The following STAG1 variants were observed in gnomAD, a reference collection of about 807,000 sequenced individuals.
STAG1 encodes the protein STAG1 cohesin complex component, also known as cohesin subunit SA-1.
In STAG1, 26 loss-of-function variants were observed where a neutral mutation model predicts 170.9. The ratio of observed to expected loss-of-function variants is 0.15; its 90% CI spans 0.11 to 0.21. The LOEUF (loss-of-function observed/expected upper bound fraction) is 0.21. Ranked by LOEUF, STAG1 falls within the 10% of genes least tolerant of loss-of-function variation. The pLI is 1.00. For synonymous variants in STAG1, 514 were observed against 497.7 expected (o/e 1.03, Z -0.44); for missense variants, 964 against 1,509.5 (o/e 0.64, Z 5.99).
At chr3:136,655,701 C>G (rs1303278808) in intron 1 of STAG1, among the ~76,000 whole-genome samples, 1 of 151,566 alleles carries the variant, frequency 6.6e-6, no homozygotes, top group African/African-American at 2.4e-5. Flanking sequence ...AGGCAGAGGT[C>G]ACAGTGAGCC....
chr3:136,595,072 T>G (rs1212611242), intron 4 of STAG1, among the ~76,000 whole-genome samples: 1 of 152,210 alleles, frequency 6.6e-6, no homozygotes, highest in South Asian at 2.1e-4. Context: ...TCCAGCCCTA[T>G]AGTCCAACTT....
chr3:136,429,887 A>G (rs771509118), intron 16 of STAG1, among the ~76,000 whole-genome samples: 1 of 152,200 alleles, frequency 6.6e-6, no homozygotes, highest in Non-Finnish European at 1.5e-5. Context: ...TGATTTTCTT[A>G]AAAACTTTTT....
intron 26 of STAG1, among the ~76,000 whole-genome samples, chr3:136,359,718 A>C (rs763461245): frequency 7.9e-5 from 12 of 152,242 alleles, no homozygotes; most frequent in Non-Finnish European, 1.3e-4. Flanking sequence ...GATCTTGGCC[A>C]AGCTGGTCTC....
intron 4 of STAG1, among the ~76,000 whole-genome samples, chr3:136,586,577 C>A (rs1312860249): frequency 6.6e-6 from 1 of 152,200 alleles, no homozygotes; most frequent in African/African-American, 2.4e-5. Context: ...TTTCTAACTT[C>A]CTTCAAGGAT....
rs113158084 is a variant in STAG1 at position 136,349,896 on chromosome 3, G to A, written c.3066-533C>T. 4.7e-3 allele frequency among the ~76,000 whole-genome samples: 710 copies of A among 152,298 alleles called. 4 individuals carry two copies. The highest frequency in any genetic ancestry group is 0.016 in the African/African-American group (676 of 41,556). ...TGGCCAGGCACCGTGGCTCACGCCT[G>A]TAAATCCCAGCACTTTGGGAGGCCG... On this transcript the variant is annotated intron_variant, in intron 28 of 33. Transcript: ENST00000383202.
intron 22 of STAG1, among the ~76,000 whole-genome samples, chr3:136,383,978 CAG>C (rs1938125107): frequency 1.5e-5 from 2 of 137,192 alleles, no homozygotes; most frequent in Admixed American, 7.4e-5. Context: ...AAAAAAGAAA[CAG>C]AAACAGTCAC....
intron 1 of STAG1, among the ~76,000 whole-genome samples, chr3:136,656,469 T>C (rs1180519503): frequency 2.0e-5 from 3 of 152,022 alleles, no homozygotes; most frequent in Admixed American, 6.6e-5. Context: ...TTCCCAACAT[T>C]AGCGGTGGGG....
intron 4 of STAG1, among the ~76,000 whole-genome samples, chr3:136,584,496 T>C (rs1308465768): frequency 6.6e-6 from 1 of 152,144 alleles, no homozygotes; most frequent in African/African-American, 2.4e-5. Flanking sequence ...CTACCACCAC[T>C]CCTCCACCTT....
intron 14 of STAG1, among the ~76,000 whole-genome samples, chr3:136,444,218 C>T (rs2088712613): frequency 2.0e-5 from 3 of 152,068 alleles, no homozygotes; most frequent in Admixed American, 2.0e-4. Flanking sequence ...GGATTACAGG[C>T]CCACGCCACC....
At chr3:136,562,853 G>A (rs925416385) in intron 5 of STAG1, among the ~76,000 whole-genome samples, 12 of 152,192 alleles carry the variant, frequency 7.9e-5, no homozygotes, top group Non-Finnish European at 1.3e-4. Context: ...CTCCCAAAGT[G>A]CTGGGATTAC....
chr3:136,605,174 G>A (rs111435201), intron 3 of STAG1, among the ~76,000 whole-genome samples: 181 of 152,194 alleles, frequency 1.2e-3, no homozygotes, highest in African/African-American at 2.5e-3. Context: ...TATGCTGAAC[G>A]TATCTGGAAC....
intron 23 of STAG1, among the ~76,000 whole-genome samples, 197 bp downstream of exon 23, chr3:136,377,463 A>G (rs1016075964): frequency 6.6e-5 from 10 of 151,748 alleles, no homozygotes; most frequent in Non-Finnish European, 1.3e-4. Flanking sequence ...AAGTAAAAGG[A>G]AAGAATGTAT....
chr3:136,402,506 G>A (rs956647943), intron 21 of STAG1, among the ~76,000 whole-genome samples: 6 of 151,602 alleles, frequency 4.0e-5, no homozygotes, highest in Non-Finnish European at 7.4e-5. Flanking sequence ...GTCAGCCACC[G>A]TGCCCGGCCT....
At chr3:136,413,519 C>T (rs1246052090) in intron 21 of STAG1, among the ~76,000 whole-genome samples, 4 of 151,704 alleles carry the variant, frequency 2.6e-5, no homozygotes, top group Non-Finnish European at 4.4e-5. Flanking sequence ...AGTGCAATGG[C>T]GTGATCTTGG....
intron 7 of STAG1, among the ~76,000 whole-genome samples, chr3:136,507,139 T>G (rs747761660): frequency 1.3e-5 from 2 of 152,220 alleles, no homozygotes; most frequent in Non-Finnish European, 2.9e-5. Flanking sequence ...GATGGTTACA[T>G]AGCAATTGGT....
intron 1 of STAG1, among the ~76,000 whole-genome samples, chr3:136,737,689 G>A (rs1283555451): frequency 6.6e-6 from 1 of 152,176 alleles, no homozygotes; most frequent in Non-Finnish European, 1.5e-5. Context: ...ATCTATTCTA[G>A]GTAGCAGTAT....
At chr3:136,360,623 G>C (rs752463942) in intron 26 of STAG1, among the ~76,000 whole-genome samples, 1 of 152,130 alleles carries the variant, frequency 6.6e-6, no homozygotes. Flanking sequence ...CATTACTGAA[G>C]GAACAGTTCT....
Position 136,517,540 on chromosome 3 carries a change from T to C in STAG1, c.676+3673A>G, listed in dbSNP as rs147810667. ...AAATAAACATAATCCTGAAAAGCAA[T>C]TCTTTGAGAGTAAAATTTTAACTTC... is the stretch of plus-strand genomic sequence containing the variant. On this transcript the variant is annotated intron_variant, in intron 7 of 33. Coordinates refer to ENST00000383202, the MANE Select transcript of STAG1 (RefSeq NM_005862.3). Among the ~76,000 whole-genome samples the C allele has an allele frequency of 1.2e-3, 176 of 152,234 alleles. 2 individuals are homozygous for C. In the East Asian group the frequency reaches 0.034, roughly 29 times the overall value.
intron 30 of STAG1, 122 bp from the exon 31 acceptor site, chr3:136,341,673 A>T (rs1935974730): frequency 7.9e-6 from 5 of 631,292 alleles, no homozygotes; most frequent in Non-Finnish European, 1.1e-5. Flanking sequence ...AGCTGGATTT[A>T]TTCTGGTGCC....
Sources: allele counts gnomAD v4.1 joint callset (sites outside exome capture counted in the v4.1 genomes callset), GRCh38; gene constraint gnomAD v4.1.1; transcripts MANE v1.5; gene names NCBI Gene and HGNC (gene_info 2026-07-23, HGNC 2026-07-21).